The following JAK2 variants were observed in gnomAD, a reference collection of about 807,000 sequenced individuals.
JAK2 encodes the protein tyrosine-protein kinase JAK2.
In JAK2, 86 loss-of-function variants were observed where a neutral mutation model predicts 139.3. That is an observed-to-expected ratio of 0.62 (90% confidence interval 0.52 to 0.74). The LOEUF (loss-of-function observed/expected upper bound fraction) is 0.74, where lower values mean the gene tolerates loss of function less well. Among genes scored for constraint, JAK2 ranks in the 30% least tolerant of loss-of-function variants. The probability of loss-of-function intolerance (pLI) is 0.00; values close to 1 mark genes in which losing one functional copy is unlikely to be tolerated. For missense variants in JAK2, 1,421 were observed against 1,360.3 expected (o/e 1.04, Z -0.70); for synonymous variants, 490 against 437.7 (o/e 1.12, Z -1.49).
At chr9:5,081,392 T>G (rs551764286) in intron 18 of JAK2, among the ~76,000 whole-genome samples, 4 of 152,192 alleles carry the variant, frequency 2.6e-5, no homozygotes, top group Non-Finnish European at 5.9e-5. Flanking sequence ...AATACTGAGC[T>G]GAAATGCATG....
At chr9:5,096,549 T>C (rs188144282) in intron 22 of JAK2, 149 of 152,338 alleles carry the variant, frequency 9.8e-4, no homozygotes, top group African/African-American at 3.3e-3. Flanking sequence ...AGCTGCTCCT[T>C]TGAATTTGCA....
Position 5,128,410 on chromosome 9 carries a change from CCT to C in JAK2, c.*1621_*1622del, listed in dbSNP as rs1824143046. On this transcript the variant is annotated 3_prime_UTR_variant, in exon 25 of 25. Transcript: ENST00000381652. ...AGTTTAATTTTTATTTGTAAAGACTCCTCAAGGATTTGTATATGCAACACAGT... is the reference window on the plus strand; with the variant it reads ...AGTTTAATTTTTATTTGTAAAGACTCCAAGGATTTGTATATGCAACACAGT... Among the ~76,000 whole-genome samples the C allele has an allele frequency of 6.6e-6, 1 of 151,658 alleles. No homozygotes were observed. The highest frequency in any genetic ancestry group is 2.1e-4 in the South Asian group (1 of 4,816).
At position 5,046,370 on chromosome 9, in the gene JAK2, C is replaced by A. The variant is rs1022783242; in HGVS notation, c.468+1850C>A. On this transcript the variant is annotated intron_variant, in intron 5 of 24. Transcript: ENST00000381652. ...CCATTCTCTAGGTTGCCTTTTCATTCTGTTGCTTGTCTTTTGATGGACAAA... is the reference window on the plus strand; with the variant it reads ...CCATTCTCTAGGTTGCCTTTTCATTATGTTGCTTGTCTTTTGATGGACAAA... 6.6e-5 allele frequency among the ~76,000 whole-genome samples: 10 copies of A among 152,252 alleles called. No homozygotes were observed. The East Asian group carries it at 1.2e-3, about 18-fold the overall frequency.
In JAK2 at chr9:5,090,580, A is replaced by C. The variant is rs998325746; in HGVS notation, c.2886+10A>C. The C allele has an allele frequency of 9.0e-6, 14 of 1,559,780 alleles. No individual in the cohort carries two copies. In the Admixed American group the frequency reaches 1.4e-4, roughly 16 times the overall value. On this transcript the variant is annotated intron_variant, in intron 21 of 24. Transcript: ENST00000381652. ...ATCTCAGATATGCAAGGTAACTAAT[A>C]TCCTGATTATTTGCTGTAGATGAAG...
chr9:5,062,365 ATAATAG>A (rs929890643), intron 8 of JAK2, among the ~76,000 whole-genome samples: 11 of 152,066 alleles, frequency 7.2e-5, no homozygotes, highest in African/African-American at 2.2e-4. Flanking sequence ...CGTAACAGGT[ATAATAG>A]TAATAAAGTT....
chr9:5,123,948 A>G (rs973951458), intron 23 of JAK2, among the ~76,000 whole-genome samples: 2 of 146,730 alleles, frequency 1.4e-5, no homozygotes, highest in Non-Finnish European at 3.0e-5. Context: ...TTTAATTTGC[A>G]TTTCTCTGGT....
intron 5 of JAK2, among the ~76,000 whole-genome samples, chr9:5,044,735 C>G (rs897052431): frequency 1.3e-5 from 2 of 152,086 alleles, no homozygotes; most frequent in Non-Finnish European, 2.9e-5. Context: ...TTTTTTTGGA[C>G]TGATCCTTTT....
chr9:5,078,291 G>A lies in JAK2; in HGVS notation c.1993-15G>A, dbSNP rs184076281. 7.4e-5 allele frequency: 118 copies of A among 1,605,288 alleles called. 1 individual carries two copies. In the East Asian group the frequency reaches 2.3e-3, roughly 31 times the overall value. On this transcript the variant is annotated splice_polypyrimidine_tract_variant and intron_variant, in intron 15 of 24. Coordinates refer to ENST00000381652, the MANE Select transcript of JAK2 (RefSeq NM_004972.4). Reference sequence around the variant, plus strand: ...TGGACTGATATTTGAATATATGTGCGTTTAACTCTAATAGGAAGAAAACAC... The same window carrying A: ...TGGACTGATATTTGAATATATGTGCATTTAACTCTAATAGGAAGAAAACAC...
rs373315248 is a variant in JAK2, at chr9:5,055,653, A to T, written c.937-16A>T. The stretch of plus-strand genomic sequence containing the variant: ...AAATTCTACCCGTTTTTAATTTTAC[A>T]TGCTTTTAATTATAGGATTTACAGT... On this transcript the variant is annotated splice_polypyrimidine_tract_variant and intron_variant, in intron 7 of 24. Transcript: ENST00000381652. The T allele has an allele frequency of 6.5e-7, 1 of 1,527,598 alleles. No homozygotes were observed. The highest frequency in any genetic ancestry group is 2.3e-5 in the East Asian group (1 of 44,150). The allele number at this position is 1,527,598 out of a possible 1,614,324, so 94.6% of individuals were successfully genotyped here. A position where few individuals can be genotyped will look rare whatever the true frequency, so the allele number is the denominator to read the frequency against.
At chr9:5,042,064 C>A in intron 4 of JAK2, 1 of 236,326 alleles carries the variant, frequency 4.2e-6, no homozygotes, top group Non-Finnish European at 8.4e-6. Context: ...AGGGTCTTGG[C>A]CGGCGGCCCC....
chr9:4,995,614 C>T (rs980279583), intron 2 of JAK2, among the ~76,000 whole-genome samples: 6 of 152,170 alleles, frequency 3.9e-5, no homozygotes, highest in Non-Finnish European at 7.4e-5. Flanking sequence ...TCCTCTGAAA[C>T]CATATTGTGA....
chr9:5,075,490 G>A (rs1003306231), intron 14 of JAK2, among the ~76,000 whole-genome samples: 3 of 152,128 alleles, frequency 2.0e-5, no homozygotes, highest in Admixed American at 6.5e-5. Context: ...AGGGCTCTGC[G>A]AATTATGCTA....
At position 5,128,081 on chromosome 9, in the gene JAK2, TG is replaced by T. The variant is rs1312009021; in HGVS notation, c.*1291del. ...AGCTAAAATAAAATATGGTGGGTTT[TG>T]TGTGTGTGTGTGTGTGTGTGTGTGT... On this transcript the variant is annotated 3_prime_UTR_variant, in exon 25 of 25. Transcript: ENST00000381652. 140 of 2,230 alleles carry T rather than the reference TG, an allele frequency of 0.063. 2 individuals are homozygous for T. The highest frequency in any genetic ancestry group is 0.48 in the East Asian group (97 of 204). The allele number at this position is 2,230 out of a possible 1,614,324, so 0.1% of individuals were successfully genotyped here.
Position 5,070,059 on chromosome 9 carries a change from C to T in JAK2, c.1641+7C>T, listed in dbSNP as rs2130530340. 6.3e-7 allele frequency: 1 copy of T among 1,588,584 alleles called. No homozygotes were observed. Among genetic ancestry groups the T allele is most frequent in the Non-Finnish European group, 8.6e-7 (1 of 1,164,202 alleles). On this transcript the variant is annotated splice_region_variant and intron_variant, in intron 12 of 24. Coordinates refer to ENST00000381652, the MANE Select transcript of JAK2 (RefSeq NM_004972.4). ...AAATGAAGATTTGATATTTGTAAGTCATTAGATACTCATTACTGTCTTTTT... is the reference window on the plus strand; with the variant it reads ...AAATGAAGATTTGATATTTGTAAGTTATTAGATACTCATTACTGTCTTTTT...
intron 22 of JAK2, among the ~76,000 whole-genome samples, chr9:5,121,776 T>G (rs183603076): frequency 6.6e-6 from 1 of 152,276 alleles, no homozygotes; most frequent in African/African-American, 2.4e-5. Context: ...ATTTTGTTCT[T>G]TTTAAATTTG....
chr9:5,035,934 T>A (rs982424590), intron 4 of JAK2, among the ~76,000 whole-genome samples: 1 of 152,158 alleles, frequency 6.6e-6, no homozygotes, highest in Non-Finnish European at 1.5e-5. Context: ...AAAGAGGAAG[T>A]CAAATTGTCC....
At chr9:5,013,932 A>G (rs1327719275) in intron 2 of JAK2, among the ~76,000 whole-genome samples, 1 of 152,162 alleles carries the variant, frequency 6.6e-6, no homozygotes, top group African/African-American at 2.4e-5. Context: ...GCAATAAGAA[A>G]GGATGAAACT....
chr9:5,075,678 T>G (rs1032911100), intron 14 of JAK2, among the ~76,000 whole-genome samples: 2 of 152,290 alleles, frequency 1.3e-5, no homozygotes, highest in African/African-American at 2.4e-5. Context: ...AGAGCTCTGA[T>G]GGAGATGTAC....
At chr9:5,061,218 T>C (rs1457403675) in intron 8 of JAK2, among the ~76,000 whole-genome samples, 1 of 152,212 alleles carries the variant, frequency 6.6e-6, no homozygotes, top group Admixed American at 6.5e-5. Flanking sequence ...CTGGTTTGAA[T>C]TTCAAGTCAC....
Sources: allele counts gnomAD v4.1 joint callset (sites outside exome capture counted in the v4.1 genomes callset), GRCh38; gene constraint gnomAD v4.1.1; transcripts MANE v1.5; gene names NCBI Gene and HGNC (gene_info 2026-07-23, HGNC 2026-07-21).